The following SUGCT variants were observed in gnomAD, a reference collection of about 807,000 sequenced individuals.
SUGCT encodes the protein succinyl-CoA:glutarate CoA-transferase.
A neutral mutation model predicts 55.0 loss-of-function variants in SUGCT; 41 were observed. The observed-to-expected ratio is 0.74, with a 90% CI of 0.58 to 0.97. SUGCT has a LOEUF of 0.97. SUGCT is among the 50% of genes least tolerant of loss of function. The pLI, the probability that SUGCT is intolerant of heterozygous loss-of-function variation, is 0.00. For synonymous variants in SUGCT, 187 were observed against 200.4 expected (o/e 0.93, Z 0.56); for missense variants, 568 against 547.8 (o/e 1.04, Z -0.37).
chr7:40,613,899 G>A (rs563237148), intron 12 of SUGCT, among the ~76,000 whole-genome samples: 207 of 152,156 alleles, frequency 1.4e-3, no homozygotes, highest in African/African-American at 4.8e-3. Flanking sequence ...GAGCCACCAC[G>A]CCTGGCCTGC....
At chr7:40,333,987 G>T (rs984349288) in intron 9 of SUGCT, among the ~76,000 whole-genome samples, 9 of 152,048 alleles carry the variant, frequency 5.9e-5, no homozygotes, top group Admixed American at 5.9e-4. Flanking sequence ...CCACCTATGA[G>T]TGAGAACATG....
chr7:40,429,665 C>T lies in SUGCT; in HGVS notation c.817-19622C>T, dbSNP rs141942466. Among the ~76,000 whole-genome samples the T allele has an allele frequency of 3.8e-3, 581 of 152,312 alleles. 3 individuals carry two copies. Among genetic ancestry groups the T allele is most frequent in the African/African-American group, 0.013 (532 of 41,564 alleles). ...ATTCTTCTGCCTGCTTTTATCCTAG[C>T]CACGCTGGCAGCTGATTAGATGGTG... On this transcript the variant is annotated intron_variant, in intron 9 of 13. Coordinates refer to ENST00000335693, the MANE Select transcript of SUGCT (RefSeq NM_001193313.2).
At chr7:40,228,899 G>A (rs1316974718) in intron 6 of SUGCT, among the ~76,000 whole-genome samples, 2 of 151,636 alleles carry the variant, frequency 1.3e-5, no homozygotes, top group Non-Finnish European at 1.5e-5. Context: ...CATATTTGAT[G>A]TGCTTCAATT....
At chr7:40,175,421 T>C (rs956051860) in intron 1 of SUGCT, among the ~76,000 whole-genome samples, 7 of 152,190 alleles carry the variant, frequency 4.6e-5, no homozygotes, top group African/African-American at 1.7e-4. Context: ...GGTTTCGCCA[T>C]GCTGGCCAGG....
intron 13 of SUGCT, chr7:40,808,425 GC>G (rs1272563263): frequency 1.3e-5 from 2 of 152,308 alleles, no homozygotes; most frequent in Non-Finnish European, 2.9e-5. Context: ...GTATGCATAT[GC>G]TTGGGCACTG....
chr7:40,231,483 G>A (rs923925423), intron 6 of SUGCT, among the ~76,000 whole-genome samples: 7 of 152,140 alleles, frequency 4.6e-5, no homozygotes, highest in Non-Finnish European at 8.8e-5. Flanking sequence ...AGAATTCCTA[G>A]GAGTCTATGT....
chr7:40,642,680 T>C (rs1485500766), intron 12 of SUGCT, among the ~76,000 whole-genome samples: 1 of 152,216 alleles, frequency 6.6e-6, no homozygotes, highest in African/African-American at 2.4e-5. Flanking sequence ...TTGAAACATA[T>C]TAAAGTGCCA....
intron 9 of SUGCT, among the ~76,000 whole-genome samples, chr7:40,340,825 C>A (rs536369126): frequency 1.3e-5 from 2 of 151,920 alleles, no homozygotes; most frequent in African/African-American, 4.8e-5. Context: ...AGGGTGCTCA[C>A]GGGGAAAAAA....
chr7:40,808,407 G>T (rs572631905), intron 13 of SUGCT: 54 of 152,414 alleles, frequency 3.5e-4, no homozygotes, highest in African/African-American at 1.0e-3. Context: ...TGGATTATCT[G>T]CAAAGAGGTA....
intron 7 of SUGCT, among the ~76,000 whole-genome samples, chr7:40,253,510 A>G (rs1790582909): frequency 6.6e-6 from 1 of 152,224 alleles, no homozygotes; most frequent in South Asian, 2.1e-4. Flanking sequence ...ATCTAGAACA[A>G]TGCCTGGAAC....
At position 40,237,541 on chromosome 7, in the gene SUGCT, A is replaced by G; in HGVS notation, c.485-94A>G. ...TCTAATAGTCTCGAAATGCTGCAGG[A>G]TTTCTGGATACAAATGTTTCTAACA... On this transcript the variant is annotated intron_variant, in intron 6 of 13. Transcript: ENST00000335693. 5.2e-6 allele frequency: 5 copies of G among 959,356 alleles called. No individual in the cohort carries two copies. In the South Asian group the frequency reaches 6.6e-5, roughly 13 times the overall value. The allele number at this position is 959,356 out of a possible 1,614,324, so 59.4% of individuals were successfully genotyped here. A position where few individuals can be genotyped will look rare whatever the true frequency, so the allele number is the denominator to read the frequency against.
chr7:40,389,641 T>C (rs566171793), intron 9 of SUGCT, among the ~76,000 whole-genome samples: 1 of 152,320 alleles, frequency 6.6e-6, no homozygotes, highest in South Asian at 2.1e-4. Context: ...AAGGTAAATA[T>C]TATTTCTATT....
chr7:40,547,825 A>G (rs1234792535), intron 12 of SUGCT, among the ~76,000 whole-genome samples: 1 of 152,088 alleles, frequency 6.6e-6, no homozygotes, highest in Non-Finnish European at 1.5e-5. Flanking sequence ...ATTTTTAATC[A>G]TTTTGGTGTA....
chr7:40,285,661 TAAAG>T (rs1401388343), intron 8 of SUGCT, among the ~76,000 whole-genome samples: 4 of 152,166 alleles, frequency 2.6e-5, no homozygotes, highest in Non-Finnish European at 4.4e-5. Context: ...AGCTAAATGA[TAAAG>T]AAACCACCTG....
chr7:40,968,002 A>G, the SUGCT span: 1 of 152,360 alleles, frequency 6.6e-6, no homozygotes, highest in African/African-American at 2.4e-5. Flanking sequence ...CATAATTTTA[A>G]TAACAGATGC....
chr7:40,259,639 A>G (rs1791085730), intron 7 of SUGCT, among the ~76,000 whole-genome samples: 1 of 152,210 alleles, frequency 6.6e-6, no homozygotes, highest in African/African-American at 2.4e-5. Context: ...ATGTGAAACC[A>G]TGCTGTAATT....
At chr7:40,618,946 C>G (rs1799137630) in intron 12 of SUGCT, among the ~76,000 whole-genome samples, 3 of 152,142 alleles carry the variant, frequency 2.0e-5, no homozygotes, top group Non-Finnish European at 4.4e-5. Flanking sequence ...TCCTGTTGAA[C>G]AAAGATGGAC....
chr7:40,748,259 G>A (rs1010231560), intron 12 of SUGCT, among the ~76,000 whole-genome samples: 1 of 152,088 alleles, frequency 6.6e-6, no homozygotes, highest in African/African-American at 2.4e-5. Context: ...ATTGGGTTTA[G>A]AATAAAGATA....
At chr7:40,487,250 G>GTTCTTTTTTTTTTTTTTTTT (rs1791424712) in intron 11 of SUGCT, among the ~76,000 whole-genome samples, 1 of 42,902 alleles carries the variant, frequency 2.3e-5, no homozygotes, top group African/African-American at 9.3e-5. Flanking sequence ...ACACCCAGCT[G>GTTCTTTTTTTTTTTTTTTTT]TTTTTTTTTT....
Sources: gnomAD v4.1 joint callset for allele counts (sites outside exome capture counted in the v4.1 genomes callset) on GRCh38, gnomAD v4.1.1 for gene constraint, MANE v1.5 for transcripts, NCBI Gene and HGNC (gene_info 2026-07-23, HGNC 2026-07-21) for gene names.